ALG1: variants seen among roughly 807,000 people sequenced by gnomAD.
ALG1 encodes the protein chitobiosyldiphosphodolichol beta-mannosyltransferase.
In ALG1, 58 loss-of-function variants were observed where a neutral mutation model predicts 55.1. That is an observed-to-expected ratio of 1.05 (90% confidence interval 0.85 to 1.31). ALG1 has a LOEUF of 1.31. Ranked by LOEUF, ALG1 falls within the 50% of genes most tolerant of loss-of-function variation. The pLI, the probability that ALG1 is intolerant of heterozygous loss-of-function variation, is 0.00. For missense variants in ALG1, 761 were observed against 598.6 expected (o/e 1.27, Z -2.83); for synonymous variants, 309 against 247.0 (o/e 1.25, Z -2.35).
chr16:5,084,972 C>T lies in ALG1; in HGVS notation c.*91C>T. On this transcript the variant is annotated 3_prime_UTR_variant, in exon 13 of 13. Coordinates refer to ENST00000262374, the MANE Select transcript of ALG1 (RefSeq NM_019109.5). ...TCAGGGCAAACCCTTTCGAGCAGCACCTCCCAGTGGCCAGAAGCTGAAATG... is the reference window on the plus strand; with the variant it reads ...TCAGGGCAAACCCTTTCGAGCAGCATCTCCCAGTGGCCAGAAGCTGAAATG... 1 of 1,589,464 alleles carries T rather than the reference C, an allele frequency of 6.3e-7. No homozygotes were observed. The highest frequency in any genetic ancestry group is 8.5e-7 in the Non-Finnish European group (1 of 1,173,578).
chr16:5,082,460 A>T, intron 10 of ALG1, 99 bp from the exon 11 acceptor site: 1 of 1,334,924 alleles, frequency 7.5e-7, no homozygotes, highest in Non-Finnish European at 1.1e-6. Context: ...GCCTTATCTG[A>T]TTTTCACTCT....
At position 5,082,604 on chromosome 16, in the gene ALG1, T is replaced by C. The variant is rs1274400582; in HGVS notation, c.1118T>C (p.Leu373Pro). ...TGTCTGCACACGTCCTCCAGTGGCC[T>C]GGACCTGCCCATGAAGGTGGTGGAC... ...GVCLHTSSSG[L>P]DLPMKVVDMF... The change falls in exon 11 of 13, where the codon CTG becomes CCG. Residue 373 changes from leucine to proline, a missense_variant. By Grantham distance (98) the Leu-to-Pro change is moderately conservative. Coordinates refer to ENST00000262374, the MANE Select transcript of ALG1 (RefSeq NM_019109.5). 1 of 1,612,014 alleles carries C rather than the reference T, an allele frequency of 6.2e-7. No individual in the cohort carries two copies. Among genetic ancestry groups the C allele is most frequent in the South Asian group, 1.1e-5 (1 of 90,988 alleles).
chr16:5,079,495 A>G (rs1427465594), intron 8 of ALG1, among the ~76,000 whole-genome samples: 2 of 152,114 alleles, frequency 1.3e-5, no homozygotes, highest in African/African-American at 4.8e-5. Flanking sequence ...TTCGAGACCA[A>G]CCTGGCCAAC....
rs1288589384 is a variant in ALG1, at chr16:5,085,682, A to G, written c.*801A>G. ...ATCTCCAAGTGCTCTTCGTAGGGAA[A>G]CAGTTTCTGCTCATGACGAGGTTCC... On this transcript the variant is annotated 3_prime_UTR_variant, in exon 13 of 13. Transcript: ENST00000262374. 5 of 1,611,780 alleles carry G rather than the reference A, an allele frequency of 3.1e-6. No homozygotes were observed. The Admixed American group carries it at 8.3e-5, about 27-fold the overall frequency.
chr16:5,073,106 A>T (rs767064524), intron 2 of ALG1, 47 bp from the exon 3 acceptor site: 1 of 1,612,706 alleles, frequency 6.2e-7, no homozygotes, highest in African/African-American at 1.3e-5. Flanking sequence ...AGCCGTGCAG[A>T]TTGCCAGACG....
Position 5,071,881 on chromosome 16 carries a change from T to C in ALG1, c.32T>C (p.Leu11Pro), listed in dbSNP as rs760924780. 1.2e-6 allele frequency: 2 copies of C among 1,603,624 alleles called. No individual in the cohort carries two copies. Among genetic ancestry groups the C allele is most frequent in the East Asian group, 2.2e-5 (1 of 44,516 alleles). MAASCLVLLA[L>P]CLLLPLLLLG... ...GCCTCATGCTTGGTCCTGCTGGCGC[T>C]GTGTCTGCTGCTGCCGCTGCTGCTG... Residue 11 changes from leucine to proline, a missense_variant, in exon 1 of 13, where the codon CTG becomes CCG. Transcript: ENST00000262374.
chr16:5,071,896 C>CGCT lies in ALG1; in HGVS notation c.58_60dup (p.Leu20dup), dbSNP rs760240522. On this transcript the variant is annotated inframe_insertion, in exon 1 of 13. Transcript: ENST00000262374. ...CTGCTGGCGCTGTGTCTGCTGCTGC[C>CGCT]GCTGCTGCTGCTGGGAGGATGGAAG... The CGCT allele has an allele frequency of 4.1e-5, 66 of 1,600,672 alleles. No homozygotes were observed. In the South Asian group the frequency reaches 6.5e-4, roughly 16 times the overall value.
rs1350139508 is a variant in ALG1 at position 5,071,887 on chromosome 16, T to C, written c.38T>C (p.Leu13Pro). ...ASCLVLLALC[L>P]LLPLLLLGGW... Reference sequence around the variant, plus strand: ...TGCTTGGTCCTGCTGGCGCTGTGTCTGCTGCTGCCGCTGCTGCTGCTGGGA... The same window carrying C: ...TGCTTGGTCCTGCTGGCGCTGTGTCCGCTGCTGCCGCTGCTGCTGCTGGGA... The change falls in exon 1 of 13, where the codon CTG (leucine) becomes CCG (proline). Residue 13 changes from leucine to proline, a missense_variant. By Grantham distance (98) the Leu-to-Pro change is moderately conservative (BLOSUM62 -3). Coordinates refer to ENST00000262374, the MANE Select transcript of ALG1 (RefSeq NM_019109.5). 1 of 1,602,532 alleles carries C rather than the reference T, an allele frequency of 6.2e-7. No homozygotes were observed. Among genetic ancestry groups the C allele is most frequent in the Non-Finnish European group, 8.5e-7 (1 of 1,176,592 alleles).
rs1396824827 is a variant in ALG1 at position 5,085,359 on chromosome 16, A to C, written c.*478A>C. The C allele has an allele frequency of 3.8e-6, 2 of 521,320 alleles. No individual in the cohort carries two copies. The highest frequency in any genetic ancestry group is 7.1e-6 in the Non-Finnish European group (2 of 283,310). The allele number at this position is 521,320 out of a possible 1,614,324, so 32.3% of individuals were successfully genotyped here. A position where few individuals can be genotyped will look rare whatever the true frequency, so the allele number is the denominator to read the frequency against. The stretch of plus-strand genomic sequence containing the variant: ...CATCATACTTGATACACACGTTTTT[A>C]TTTGCACAAAGAAAATGCTATTTTT... On this transcript the variant is annotated 3_prime_UTR_variant, in exon 13 of 13. Transcript: ENST00000262374.
In ALG1 at chr16:5,085,025, A is replaced by G; in HGVS notation, c.*144A>G. 2 of 1,465,586 alleles carry G rather than the reference A, an allele frequency of 1.4e-6. No individual in the cohort carries two copies. 90.8% of individuals were successfully genotyped at this position (1,465,586 alleles called of 1,614,324 possible). On this transcript the variant is annotated 3_prime_UTR_variant, in exon 13 of 13. Transcript: ENST00000262374. ...AGCAGTGGTACTGCCTGGTAAAAGAATTGGTTCTGTGACCCGGGAAGCTTT... is the reference window on the plus strand; with the variant it reads ...AGCAGTGGTACTGCCTGGTAAAAGAGTTGGTTCTGTGACCCGGGAAGCTTT...
intron 3 of ALG1, among the ~76,000 whole-genome samples, chr16:5,075,056 A>T (rs1956884387): frequency 6.6e-6 from 1 of 152,074 alleles, no homozygotes; most frequent in South Asian, 2.1e-4. Flanking sequence ...GGTGTGTCCC[A>T]CCACACCTGG....
At chr16:5,077,270 C>G (rs139697063) in intron 4 of ALG1, among the ~76,000 whole-genome samples, 175 bp from the exon 5 acceptor site, 1 of 152,206 alleles carries the variant, frequency 6.6e-6, no homozygotes, top group Non-Finnish European at 1.5e-5. Context: ...ACAAGTGACA[C>G]AACATAAAGG....
Position 5,075,530 on chromosome 16 carries a change from C to G in ALG1, c.533C>G (p.Ala178Gly). Residue 178 changes from alanine (A) to glycine (G), a missense_variant, in exon 4 of 13, where the codon GCC becomes GGC. Transcript: ENST00000262374. ...HGPNHPLVLL[A>G]KWYEKFFGRL... ...CCCAACCATCCCCTCGTTCTGCTGG[C>G]CAAGTGGTGAGAGTCTAGGAAGAGG... The G allele has an allele frequency of 1.9e-6, 3 of 1,614,096 alleles. No homozygotes were observed. Among genetic ancestry groups the G allele is most frequent in the Non-Finnish European group, 2.5e-6 (3 of 1,180,026 alleles).
At chr16:5,082,745 G>C in intron 11 of ALG1, 72 bp downstream of exon 11, 1 of 1,576,090 alleles carries the variant, frequency 6.3e-7, no homozygotes. Context: ...CAGTGCAGAG[G>C]GAGCTGCCCA....
rs776299417 is a variant in ALG1, at chr16:5,079,779, C to A, written c.933C>A (p.Asn311Lys). Residue 311 changes from asparagine (N) to lysine (K), a missense_variant, in exon 9 of 13, where the codon AAC (asparagine) becomes AAA (lysine). Coordinates refer to ENST00000262374, the MANE Select transcript of ALG1 (RefSeq NM_019109.5). ...AACAACTGACTCTTGATGGACACAA[C>A]CTTCCTTCTCTCGTCTGTGTGATAA... ...KFEQLTLDGH[N>K]LPSLVCVITG... 6.8e-6 allele frequency: 11 copies of A among 1,611,742 alleles called. No individual in the cohort carries two copies. In the African/African-American group the frequency reaches 9.4e-5, roughly 14 times the overall value.
intron 9 of ALG1, among the ~76,000 whole-genome samples, chr16:5,080,008 C>A (rs1470713356): frequency 1.3e-5 from 2 of 151,786 alleles, no homozygotes; most frequent in East Asian, 3.9e-4. Context: ...CTGTAGATAC[C>A]AAGCTTTCTA....
rs749270254 is a variant in ALG1, at chr16:5,078,016, C to G, written c.739C>G (p.Arg247Gly). ...LGSMHSPFRARSEPEDPVTER... is the reference protein window; with the variant it reads ...LGSMHSPFRAGSEPEDPVTER... ...CAGCATGCACTCTCCGTTCAGGGCCCGGTAGGCCTCCCATCCTCAGCTGCC... is the reference window on the plus strand; with the variant it reads ...CAGCATGCACTCTCCGTTCAGGGCCGGGTAGGCCTCCCATCCTCAGCTGCC... Residue 247 changes from arginine to glycine, a missense_variant and splice_region_variant, in exon 6 of 13, where the codon CGC becomes GGC. By Grantham distance (125) the Arg-to-Gly change is moderately radical. Coordinates refer to ENST00000262374, the MANE Select transcript of ALG1 (RefSeq NM_019109.5). 1.9e-6 allele frequency: 3 copies of G among 1,598,172 alleles called. No homozygotes were observed. The African/African-American group carries it at 4.0e-5, about 21-fold the overall frequency.
chr16:5,072,495 G>A (rs1002961613), intron 1 of ALG1, among the ~76,000 whole-genome samples: 3 of 152,174 alleles, frequency 2.0e-5, no homozygotes, highest in Non-Finnish European at 4.4e-5. Context: ...CAGGGCAGCG[G>A]TGTCTGCTCC....
At chr16:5,077,865 T>TTG in intron 5 of ALG1, 42 bp from the exon 6 acceptor site, 1 of 1,588,268 alleles carries the variant, frequency 6.3e-7, no homozygotes, top group East Asian at 2.2e-5. Context: ...CCTGAGGCCT[T>TTG]TCTTCAGCCC....
Sources: gnomAD v4.1 joint callset for allele counts (sites outside exome capture counted in the v4.1 genomes callset) on GRCh38, gnomAD v4.1.1 for gene constraint, MANE v1.5 for transcripts, NCBI Gene and HGNC (gene_info 2026-07-23, HGNC 2026-07-21) for gene names.